The following SORCS3 variants were observed in gnomAD, a reference collection of about 807,000 sequenced individuals.
SORCS3 encodes sortilin related VPS10 domain containing receptor 3, also known as VPS10 domain-containing receptor SorCS3.
Under a neutral mutation model 146.3 loss-of-function variants are expected in SORCS3, and 57 were observed. That is an observed-to-expected ratio of 0.39 (90% CI 0.31 to 0.49). The LOEUF is 0.49. Ranked by LOEUF, SORCS3 falls within the 20% of genes least tolerant of loss-of-function variation. The probability of loss-of-function intolerance (pLI) is 0.92; values close to 1 mark genes in which losing one functional copy is unlikely to be tolerated. For missense variants in SORCS3, 1,341 were observed against 1,575.5 expected, an observed-to-expected ratio of 0.85 and a Z score of 2.52; for synonymous variants, 653 against 618.5, an observed-to-expected ratio of 1.06 and a Z score of -0.83.
intron 1 of SORCS3, among the ~76,000 whole-genome samples, chr10:104,725,288 G>T (rs560999683): frequency 1.2e-4 from 19 of 152,344 alleles, no homozygotes; most frequent in African/African-American, 4.1e-4. Flanking sequence ...CTGCAGAACA[G>T]TGGATATTGG....
At chr10:105,210,045 G>A (rs370953022) in intron 16 of SORCS3, among the ~76,000 whole-genome samples, 1 of 152,044 alleles carries the variant, frequency 6.6e-6, no homozygotes, top group African/African-American at 2.4e-5. Flanking sequence ...AGAGCACATA[G>A]TGAGTTGTAA....
chr10:104,941,167 G>A (rs1384473594), intron 3 of SORCS3, among the ~76,000 whole-genome samples: 3 of 152,158 alleles, frequency 2.0e-5, no homozygotes, highest in African/African-American at 4.8e-5. Flanking sequence ...GTTTTGACCA[G>A]CTTCTTTATT....
intron 7 of SORCS3, among the ~76,000 whole-genome samples, chr10:105,125,827 C>G (rs983174192): frequency 2.0e-5 from 3 of 152,070 alleles, no homozygotes; most frequent in Non-Finnish European, 2.9e-5. Flanking sequence ...TGAGTCCCTA[C>G]TTTGTGTCAG....
At chr10:105,207,747 C>A (rs867760740) in intron 16 of SORCS3, among the ~76,000 whole-genome samples, 13 of 152,186 alleles carry the variant, frequency 8.5e-5, no homozygotes, top group African/African-American at 3.1e-4. Context: ...TAATGAAATT[C>A]TTTTACTCTT....
intron 4 of SORCS3, among the ~76,000 whole-genome samples, chr10:105,010,555 A>C (rs560385659): frequency 1.8e-4 from 27 of 152,350 alleles, no homozygotes; most frequent in African/African-American, 5.8e-4. Flanking sequence ...TCTAGCTAAT[A>C]AGTGATTTTC....
At chr10:105,158,544 T>C (rs978701288) in intron 10 of SORCS3, among the ~76,000 whole-genome samples, 3 of 152,046 alleles carry the variant, frequency 2.0e-5, no homozygotes, top group Admixed American at 6.5e-5. Flanking sequence ...AGATCAGAAA[T>C]GCGAGAATGT....
At chr10:105,176,916 A>G (rs1261573110) in intron 13 of SORCS3, among the ~76,000 whole-genome samples, 2 of 149,094 alleles carry the variant, frequency 1.3e-5, no homozygotes, top group East Asian at 3.9e-4. Flanking sequence ...CTTATTTACC[A>G]TTATATATAT....
chr10:105,077,789 T>G (rs2133731551), intron 5 of SORCS3, among the ~76,000 whole-genome samples: 1 of 152,294 alleles, frequency 6.6e-6, no homozygotes, highest in South Asian at 2.1e-4. Context: ...TTGATGCAGC[T>G]TGGTGTGTGG....
At chr10:104,803,482 C>G (rs756354634) in intron 1 of SORCS3, among the ~76,000 whole-genome samples, 13 of 152,162 alleles carry the variant, frequency 8.5e-5, no homozygotes, top group Non-Finnish European at 1.5e-5. Flanking sequence ...TCTCCTCAAC[C>G]AGCTCACCTT....
rs143787679 is a variant in SORCS3 at position 105,148,251 on chromosome 10, G to C, written c.1482+455G>C. On this transcript the variant is annotated intron_variant, in intron 9 of 26. Coordinates refer to ENST00000369701, the MANE Select transcript of SORCS3 (RefSeq NM_014978.3). ...TATGGGAAAATAAAAGCGAATATCA[G>C]TGGTGGGAATGAGAGTTTTTCTAAG... Among the ~76,000 whole-genome samples, 1,006 of 152,184 alleles carry C rather than the reference G, an allele frequency of 6.6e-3. 13 individuals carry two copies. Among genetic ancestry groups the C allele is most frequent in the African/African-American group, 0.023 (951 of 41,544 alleles).
chr10:105,039,106 A>G (rs1175261326), intron 4 of SORCS3, among the ~76,000 whole-genome samples: 1 of 152,182 alleles, frequency 6.6e-6, no homozygotes. Context: ...TTCCTAGAGC[A>G]TAGTAGTTGT....
At position 104,722,559 on chromosome 10, in the gene SORCS3, G is replaced by T. The variant is rs557515687; in HGVS notation, c.627+80605G>T. Among the ~76,000 whole-genome samples, 26 of 152,328 alleles carry T rather than the reference G, an allele frequency of 1.7e-4. No homozygotes were observed. In the South Asian group the frequency reaches 2.1e-3, roughly 12 times the overall value. On this transcript the variant is annotated intron_variant, in intron 1 of 26. Transcript: ENST00000369701. Reference sequence around the variant, plus strand: ...AAAAGTTTCAGAAGGAATGGTACCAGCCCCTCCTTGTACCTCTGGTAGAAT... The same window carrying T: ...AAAAGTTTCAGAAGGAATGGTACCATCCCCTCCTTGTACCTCTGGTAGAAT...
chr10:104,698,415 C>A lies in SORCS3; in HGVS notation c.627+56461C>A, dbSNP rs143806603. On this transcript the variant is annotated intron_variant, in intron 1 of 26. Transcript: ENST00000369701. ...ACTTACATATAGCACACTGAGCACA[C>A]AATGAGTTTAATATGTGCAAATTCC... Among the ~76,000 whole-genome samples the A allele has an allele frequency of 5.9e-3, 905 of 152,248 alleles. 7 individuals are homozygous for A. The highest frequency in any genetic ancestry group is 0.02 in the African/African-American group (830 of 41,540).
chr10:104,884,230 A>C (rs2018659627), intron 2 of SORCS3, among the ~76,000 whole-genome samples: 1 of 152,166 alleles, frequency 6.6e-6, no homozygotes, highest in African/African-American at 2.4e-5. Flanking sequence ...TATATCTTTA[A>C]AGGAGAGAGG....
intron 1 of SORCS3, among the ~76,000 whole-genome samples, chr10:104,795,460 A>G (rs1210761990): frequency 1.3e-5 from 2 of 152,242 alleles, no homozygotes; most frequent in Non-Finnish European, 2.9e-5. Flanking sequence ...CTATACAAAA[A>G]TATTTTTTGC....
intron 3 of SORCS3, among the ~76,000 whole-genome samples, chr10:104,960,708 T>C (rs1359390618): frequency 6.6e-6 from 1 of 152,146 alleles, no homozygotes; most frequent in Admixed American, 6.5e-5. Flanking sequence ...ACGTAGGGTA[T>C]TAAATTTCAA....
intron 1 of SORCS3, among the ~76,000 whole-genome samples, chr10:104,820,049 T>C (rs1434288249): frequency 2.0e-5 from 3 of 152,192 alleles, no homozygotes; most frequent in Non-Finnish European, 4.4e-5. Context: ...AAGGAGATTC[T>C]AGTGGAGGTT....
At chr10:105,252,454 C>G (rs866036669) in intron 22 of SORCS3, among the ~76,000 whole-genome samples, 5 of 152,178 alleles carry the variant, frequency 3.3e-5, no homozygotes, top group African/African-American at 1.2e-4. Context: ...AGCTCTAGCT[C>G]TCATAGAAAA....
At chr10:104,728,741 C>T (rs1415060235) in intron 1 of SORCS3, among the ~76,000 whole-genome samples, 1 of 152,164 alleles carries the variant, frequency 6.6e-6, no homozygotes, top group East Asian at 1.9e-4. Flanking sequence ...CTGGAAAAAT[C>T]CTAGTATCTG....
Sources: gnomAD v4.1 joint callset for allele counts (sites outside exome capture counted in the v4.1 genomes callset) on GRCh38, gnomAD v4.1.1 for gene constraint, MANE v1.5 for transcripts, NCBI Gene and HGNC (gene_info 2026-07-23, HGNC 2026-07-21) for gene names.